Variants in CASS4 observed in about 807,000 individuals in gnomAD.
CASS4 encodes the protein Cas scaffold protein family member 4, also known as cas scaffolding protein family member 4.
In CASS4, 22 loss-of-function variants were observed where a neutral mutation model predicts 54.2. The ratio of observed to expected loss-of-function variants is 0.41; its 90% confidence interval spans 0.29 to 0.58. CASS4 has a LOEUF of 0.58. Ranked by LOEUF, CASS4 falls within the 20% of genes least tolerant of loss-of-function variation. The pLI is 0.36. For missense variants in CASS4, 854 were observed against 986.7 expected, an observed-to-expected ratio of 0.87 and a Z score of 1.80; for synonymous variants, 409 against 391.5, an observed-to-expected ratio of 1.04 and a Z score of -0.53.
chr20:56,451,130 A>C (rs532937065), intron 4 of CASS4, among the ~76,000 whole-genome samples: 1 of 152,268 alleles, frequency 6.6e-6, no homozygotes, highest in African/African-American at 2.4e-5. Flanking sequence ...CTCTCATTGC[A>C]CTTGTGTTCA....
Position 56,458,567 on chromosome 20 carries a change from G to A in CASS4, c.2181G>A (p.Arg727=), listed in dbSNP as rs779493901. Residue 727 remains arginine (R), a synonymous_variant, in exon 6 of 6, where the codon AGG becomes AGA. Transcript: ENST00000679887. ...CGCTGTGCATGGAGACCCAGGAGAG[G>A]GACGTGCGCAACGAGATCCTCCGTG... ...VDTLCMETQE[R]DVRNEILRGS... The A allele has an allele frequency of 5.6e-6, 9 of 1,613,920 alleles. No homozygotes were observed. Among genetic ancestry groups the A allele is most frequent in the East Asian group, 2.2e-5 (1 of 44,898 alleles).
chr20:56,445,052 G>A (rs1980640080), intron 2 of CASS4, among the ~76,000 whole-genome samples: 1 of 152,012 alleles, frequency 6.6e-6, no homozygotes, highest in African/African-American at 2.4e-5. Context: ...GGAGTTTGCA[G>A]TGAGCCGAGA....
At chr20:56,446,023 C>T (rs746546964) in intron 3 of CASS4, 22 bp downstream of exon 3, 1 of 1,524,104 alleles carries the variant, frequency 6.6e-7, no homozygotes, top group African/African-American at 1.4e-5. Context: ...TCAGGGGCCC[C>T]TCATCACCCA....
At position 56,414,074 on chromosome 20, in the gene CASS4, A is replaced by T. The variant is rs141059634; in HGVS notation, c.36+1580A>T. 1.3e-5 allele frequency among the ~76,000 whole-genome samples: 2 copies of T among 152,362 alleles called. No homozygotes were observed. The highest frequency in any genetic ancestry group is 4.8e-5 in the African/African-American group (2 of 41,578). Reference sequence around the variant, plus strand: ...ACATTCATCTACAGAACGTAGAAGAATATCTACATATCATCATACCCAAGA... The same window carrying T: ...ACATTCATCTACAGAACGTAGAAGATTATCTACATATCATCATACCCAAGA... On this transcript the variant is annotated intron_variant, in intron 1 of 5. Transcript: ENST00000679887. This position sits in a 1 kb window ranked among gnomAD's most constrained non-coding sequence, Gnocchi z 4.1.
At chr20:56,440,326 G>A (rs1251526454) in intron 2 of CASS4, among the ~76,000 whole-genome samples, 1 of 152,180 alleles carries the variant, frequency 6.6e-6, no homozygotes, top group Non-Finnish European at 1.5e-5. Context: ...AACAACAAGT[G>A]ACATTAACTG....
At chr20:56,438,414 C>T (rs540599217) in intron 2 of CASS4, among the ~76,000 whole-genome samples, 3 of 147,984 alleles carry the variant, frequency 2.0e-5, no homozygotes, top group African/African-American at 5.2e-5. Flanking sequence ...ATAGAAAACT[C>T]AAAGAGGCCT....
chr20:56,419,140 T>C (rs374826702), intron 1 of CASS4, among the ~76,000 whole-genome samples: 4 of 152,088 alleles, frequency 2.6e-5, no homozygotes, highest in African/African-American at 7.2e-5. Context: ...GGAATTGCGA[T>C]GACTAAGGGA....
intron 5 of CASS4, among the ~76,000 whole-genome samples, chr20:56,455,240 T>G (rs887305740): frequency 6.6e-6 from 1 of 152,192 alleles, no homozygotes; most frequent in African/African-American, 2.4e-5. Flanking sequence ...CACAGTTTCC[T>G]TTAAATTAAT....
intron 3 of CASS4, among the ~76,000 whole-genome samples, chr20:56,447,206 T>TG (rs891635043): frequency 3.4e-5 from 4 of 118,296 alleles, no homozygotes; most frequent in African/African-American, 1.7e-4. Flanking sequence ...AGACTCTGTC[T>TG]GAAAAAAAAA....
At chr20:56,416,898 C>T (rs1600741863) in intron 1 of CASS4, among the ~76,000 whole-genome samples, 1 of 152,276 alleles carries the variant, frequency 6.6e-6, no homozygotes, top group Admixed American at 6.5e-5. Context: ...ACTGTAAGAA[C>T]ATTTAAATGT....
chr20:56,451,909 G>A lies in CASS4; in HGVS notation c.733G>A (p.Asp245Asn). The A allele has an allele frequency of 6.2e-7, 1 of 1,614,124 alleles. No individual in the cohort carries two copies. Among genetic ancestry groups the A allele is most frequent in the Non-Finnish European group, 8.5e-7 (1 of 1,180,038 alleles). ...TCCTCAGAAATCGGAATGGATTTAT[G>A]ACACTCCAGTGTCTCCAGGAAAGGC... ...PNPQKSEWIYDTPVSPGKASV... is the reference protein window; with the variant it reads ...PNPQKSEWIYNTPVSPGKASV... Residue 245 changes from aspartate to asparagine, a missense_variant, in exon 5 of 6, where the codon GAC becomes AAC. Transcript: ENST00000679887.
Position 56,458,860 on chromosome 20 carries a change from A to G in CASS4, c.*113A>G. ...GGGGCATACACCAATGAGCTGAAAC[A>G]GACCTGGTGCCCAAAGCTGGTAGTA... On this transcript the variant is annotated 3_prime_UTR_variant, in exon 6 of 6. Coordinates refer to ENST00000679887, the MANE Select transcript of CASS4 (RefSeq NM_020356.4). 1.8e-6 allele frequency: 2 copies of G among 1,118,742 alleles called. No individual in the cohort carries two copies. The highest frequency in any genetic ancestry group is 1.6e-5 in the African/African-American group (1 of 63,636). The allele number at this position is 1,118,742 out of a possible 1,614,324, so 69.3% of individuals were successfully genotyped here. A position where few individuals can be genotyped will look rare whatever the true frequency, so the allele number is the denominator to read the frequency against.
In CASS4 at chr20:56,451,929, A is replaced by G. The variant is rs547814076; in HGVS notation, c.753A>G (p.Gly251=). The G allele has an allele frequency of 6.2e-6, 10 of 1,614,172 alleles. No individual in the cohort carries two copies. Among genetic ancestry groups the G allele is most frequent in the Non-Finnish European group, 8.5e-6 (10 of 1,180,032 alleles). Residue 251 remains glycine, a synonymous_variant, in exon 5 of 6, where the codon GGA becomes GGG. Transcript: ENST00000679887. ...TTTATGACACTCCAGTGTCTCCAGG[A>G]AAGGCCAGCGTCAGAAACACGCCTC... ...EWIYDTPVSP[G]KASVRNTPLT...
chr20:56,423,002 T>A (rs77703056), intron 1 of CASS4, among the ~76,000 whole-genome samples: 170 of 152,294 alleles, frequency 1.1e-3, no homozygotes, highest in African/African-American at 3.9e-3. Flanking sequence ...GAATGCGTTA[T>A]GTAACCAGCC....
chr20:56,427,979 C>G (rs1268354444), intron 1 of CASS4, among the ~76,000 whole-genome samples: 3 of 152,186 alleles, frequency 2.0e-5, no homozygotes, highest in Non-Finnish European at 4.4e-5. Flanking sequence ...GAGCAGGGGC[C>G]TAGACATCAC....
At chr20:56,439,074 T>C (rs1568675576) in intron 2 of CASS4, among the ~76,000 whole-genome samples, 1 of 152,264 alleles carries the variant, frequency 6.6e-6, no homozygotes, top group East Asian at 1.9e-4. Context: ...TGGCCTGGGG[T>C]AGGTGCTCAA....
intron 1 of CASS4, among the ~76,000 whole-genome samples, chr20:56,423,935 T>C (rs139872829): frequency 3.7e-4 from 56 of 152,362 alleles, no homozygotes; most frequent in African/African-American, 1.3e-3. Context: ...TTTCTGCACA[T>C]TCTGGAGCTT....
chr20:56,418,097 C>T (rs955190109), intron 1 of CASS4, among the ~76,000 whole-genome samples: 1 of 152,186 alleles, frequency 6.6e-6, no homozygotes, highest in Non-Finnish European at 1.5e-5. Flanking sequence ...ACAGAGCTGA[C>T]ATTCCAATGG....
chr20:56,452,643 TGTAAG>T lies in CASS4; in HGVS notation c.1468_1472del (p.Val490ArgfsTer15). The T allele has an allele frequency of 6.2e-7, 1 of 1,614,204 alleles. No individual in the cohort carries two copies. Among genetic ancestry groups the T allele is most frequent in the Non-Finnish European group, 8.5e-7 (1 of 1,180,030 alleles). ...GGTCCACTGATCACATAGAAGAATC[TGTAAG>T]AGAATTTCTGGATTTTGCCCGAGGA... On this transcript the variant is annotated frameshift_variant, in exon 5 of 6. Coordinates refer to ENST00000679887, the MANE Select transcript of CASS4 (RefSeq NM_020356.4). LOFTEE classifies it high-confidence loss of function.
Sources: allele counts gnomAD v4.1 joint callset (sites outside exome capture counted in the v4.1 genomes callset), GRCh38; gene constraint gnomAD v4.1.1; non-coding constraint Gnocchi (gnomAD v3.1); transcripts MANE v1.5; gene names NCBI Gene and HGNC (gene_info 2026-07-23, HGNC 2026-07-21).